RGPD2: variants seen among roughly 807,000 people sequenced by gnomAD.
The protein encoded by RGPD2 is RANBP2-like and GRIP domain-containing protein 2.
In RGPD2, 2 loss-of-function variants were observed where a neutral mutation model predicts 36.0. The observed-to-expected ratio is 0.06, with a 90% CI of 0.02 to 0.17. The LOEUF (loss-of-function observed/expected upper bound fraction) is 0.17, where lower values mean the gene tolerates loss of function less well. Among genes scored for constraint, RGPD2 ranks in the 10% least tolerant of loss-of-function variants. The probability of loss-of-function intolerance (pLI) is 1.00; values close to 1 mark genes in which losing one functional copy is unlikely to be tolerated. For synonymous variants in RGPD2, 19 were observed against 163.8 expected, an observed-to-expected ratio of 0.12 and a Z score of 6.75; for missense variants, 40 against 464.3, an observed-to-expected ratio of 0.09 and a Z score of 8.40.
the RGPD2 span, among the ~76,000 whole-genome samples, chr2:87,864,421 C>T: frequency 4.6e-5 from 7 of 152,252 alleles, no homozygotes; most frequent in Admixed American, 2.6e-4. Context: ...AACATCAACT[C>T]CCCTGATGCT....
At chr2:87,824,745 C>T (rs1686566426) in intron 1 of RGPD2, among the ~76,000 whole-genome samples, 1 of 86,900 alleles carries the variant, frequency 1.2e-5, no homozygotes, top group African/African-American at 4.0e-5. Flanking sequence ...AGGCCGAGGC[C>T]GCCGCCGCCG....
chr2:87,897,070 A>G, the RGPD2 span, among the ~76,000 whole-genome samples: 1 of 152,282 alleles, frequency 6.6e-6, no homozygotes, highest in South Asian at 2.1e-4. Context: ...GCTTGTTACC[A>G]AAAATGTGTT....
chr2:87,822,531 T>C (rs1265713938), intron 1 of RGPD2, among the ~76,000 whole-genome samples: 2 of 107,262 alleles, frequency 1.9e-5, no homozygotes, highest in African/African-American at 7.6e-5. Flanking sequence ...TAAGTAAAGA[T>C]GTTTTAAAGA....
the RGPD2 span, among the ~76,000 whole-genome samples, chr2:87,842,246 A>G: frequency 4.6e-5 from 7 of 150,640 alleles, no homozygotes; most frequent in Non-Finnish European, 8.8e-5. Context: ...AGGGTATTCA[A>G]TTAGGAAAAT....
the RGPD2 span, among the ~76,000 whole-genome samples, chr2:87,871,737 T>C: frequency 1.3e-5 from 2 of 151,358 alleles, no homozygotes; most frequent in Non-Finnish European, 3.0e-5. Context: ...TGGTGGTGCA[T>C]GCCTGTAATC....
the RGPD2 span, among the ~76,000 whole-genome samples, chr2:87,876,759 C>T: frequency 3.3e-5 from 5 of 152,236 alleles, no homozygotes; most frequent in East Asian, 1.9e-4. Context: ...TGAATATCTT[C>T]GTTAATTCTC....
chr2:87,973,411 C>T, the RGPD2 span, among the ~76,000 whole-genome samples: 1 of 133,000 alleles, frequency 7.5e-6, no homozygotes. Context: ...CCCGTGTGCA[C>T]TGCCCCCAGA....
At chr2:87,840,107 G>C in the RGPD2 span, among the ~76,000 whole-genome samples, 1 of 138,016 alleles carries the variant, frequency 7.2e-6, no homozygotes, top group Non-Finnish European at 1.6e-5. Context: ...GGATCTCTGC[G>C]TATGTAGTCA....
chr2:87,761,966 T>C (rs1684896970), intron 22 of RGPD2, among the ~76,000 whole-genome samples: 1 of 152,074 alleles, frequency 6.6e-6, no homozygotes. Flanking sequence ...CACCACAGGA[T>C]TCATTCTGGA....
At chr2:87,866,596 A>T in the RGPD2 span, among the ~76,000 whole-genome samples, 2 of 152,350 alleles carry the variant, frequency 1.3e-5, no homozygotes, top group Non-Finnish European at 2.9e-5. Context: ...TGCGATCCCC[A>T]CCTCTAGCCA....
At chr2:87,936,189 A>G in the RGPD2 span, among the ~76,000 whole-genome samples, 1 of 150,608 alleles carries the variant, frequency 6.6e-6, no homozygotes, top group Non-Finnish European at 1.5e-5. Flanking sequence ...ATTGGAAGAG[A>G]GAAAGTTCAG....
chr2:87,945,844 A>C, the RGPD2 span, among the ~76,000 whole-genome samples: 7 of 149,660 alleles, frequency 4.7e-5, no homozygotes, highest in African/African-American at 1.5e-4. Context: ...TCCTGGCCTC[A>C]AGAAATCCTC....
chr2:87,824,720 CGCCGCCGCCCGGCCAG>C (rs1200815477), intron 1 of RGPD2, among the ~76,000 whole-genome samples: 1 of 120,386 alleles, frequency 8.3e-6, no homozygotes, highest in Non-Finnish European at 1.9e-5. Flanking sequence ...CCGAGGCCGC[CGCCGCCGCCCGGCCAG>C]GCCGAGGCCG....
In RGPD2 at chr2:87,756,090, C is replaced by G. The variant is rs11225; in HGVS notation, c.*1302G>C. ...AAGAAAGTTGGAAAATGCAAAGAAA[C>G]GACTCGTTGTAAGCACATAACTCAC... is the stretch of plus-strand genomic sequence containing the variant. On this transcript the variant is annotated 3_prime_UTR_variant, in exon 23 of 23. Transcript: ENST00000398146. 1 of 17,206 alleles carries G rather than the reference C, an allele frequency of 5.8e-5. No homozygotes were observed. The allele number at this position is 17,206 out of a possible 1,614,324, so 1.1% of individuals were successfully genotyped here.
chr2:87,854,022 A>G, the RGPD2 span, among the ~76,000 whole-genome samples: 1 of 151,996 alleles, frequency 6.6e-6, no homozygotes, highest in Non-Finnish European at 1.5e-5. Flanking sequence ...TCTGTTTCTT[A>G]TCACTTCATA....
the RGPD2 span, among the ~76,000 whole-genome samples, chr2:87,842,906 G>A: frequency 6.8e-4 from 97 of 143,112 alleles, 1 homozygote; most frequent in Non-Finnish European, 1.2e-3. Context: ...AAATAATGCC[G>A]CATATCTACA....
At chr2:87,834,772 T>C in the RGPD2 span, among the ~76,000 whole-genome samples, 8 of 152,090 alleles carry the variant, frequency 5.3e-5, no homozygotes, top group Admixed American at 4.6e-4. Flanking sequence ...AAATGTTACA[T>C]AGATTTATTG....
chr2:87,905,175 T>A, the RGPD2 span, among the ~76,000 whole-genome samples: 8 of 152,292 alleles, frequency 5.3e-5, 1 homozygote, highest in South Asian at 8.3e-4. Flanking sequence ...GCAACATATA[T>A]CTGCGTGGAG....
the RGPD2 span, among the ~76,000 whole-genome samples, chr2:87,877,804 C>CAAAAAA: frequency 1.7e-3 from 147 of 84,418 alleles, no homozygotes; most frequent in Non-Finnish European, 1.9e-3. Context: ...GACTCCGTCT[C>CAAAAAA]AAAAAAAAAA....
Sources: allele counts gnomAD v4.1 joint callset (sites outside exome capture counted in the v4.1 genomes callset), GRCh38; gene constraint gnomAD v4.1.1; transcripts MANE v1.5; gene names NCBI Gene and HGNC (gene_info 2026-07-23, HGNC 2026-07-21).